The following LDB2 variants were observed in gnomAD, a reference collection of about 807,000 sequenced individuals.
LDB2 encodes LIM domain-binding protein 2.
A neutral mutation model predicts 44.3 loss-of-function variants in LDB2; 12 were observed. The observed-to-expected ratio is 0.27, with a 90% CI of 0.17 to 0.44. The LOEUF (loss-of-function observed/expected upper bound fraction) is 0.44, where lower values mean the gene tolerates loss of function less well. LDB2 is among the 20% of genes least tolerant of loss of function. The pLI, the probability that LDB2 is intolerant of heterozygous loss-of-function variation, is 1.00. For synonymous variants in LDB2, 164 were observed against 174.8 expected (o/e 0.94, Z 0.49); for missense variants, 344 against 473.5 (o/e 0.73, Z 2.54).
intron 1 of LDB2, among the ~76,000 whole-genome samples, chr4:16,830,244 T>A (rs1195213642): frequency 6.6e-6 from 1 of 152,162 alleles, no homozygotes; most frequent in African/African-American, 2.4e-5. Flanking sequence ...TGGGAGGTGA[T>A]TGGATCATGC....
At chr4:16,841,267 C>T (rs1785846232) in intron 1 of LDB2, among the ~76,000 whole-genome samples, 1 of 152,104 alleles carries the variant, frequency 6.6e-6, no homozygotes, top group Admixed American at 6.6e-5. Context: ...GGTAACATAG[C>T]CAGTATACTA....
At chr4:16,813,706 A>T (rs977652362) in intron 1 of LDB2, among the ~76,000 whole-genome samples, 4 of 152,204 alleles carry the variant, frequency 2.6e-5, no homozygotes, top group African/African-American at 4.8e-5. Flanking sequence ...GGGACCAGAG[A>T]GGATGACACA....
intron 5 of LDB2, among the ~76,000 whole-genome samples, chr4:16,514,578 C>G (rs1379490750): frequency 6.6e-6 from 1 of 152,204 alleles, no homozygotes; most frequent in Non-Finnish European, 1.5e-5. Context: ...GTACCTATTA[C>G]TGACCTAAGC....
chr4:16,715,643 A>C (rs553698714), intron 2 of LDB2, among the ~76,000 whole-genome samples: 4 of 152,204 alleles, frequency 2.6e-5, no homozygotes, highest in Non-Finnish European at 5.9e-5. Flanking sequence ...AAAACATTAC[A>C]TGACTTTCAC....
intron 5 of LDB2, among the ~76,000 whole-genome samples, chr4:16,540,133 A>G (rs1439094096): frequency 6.6e-6 from 1 of 152,100 alleles, no homozygotes; most frequent in Non-Finnish European, 1.5e-5. Flanking sequence ...ACTCACTGCC[A>G]GGAGAACAGC....
At chr4:16,717,408 C>G (rs1194990016) in intron 2 of LDB2, among the ~76,000 whole-genome samples, 2 of 151,896 alleles carry the variant, frequency 1.3e-5, no homozygotes, top group Non-Finnish European at 2.9e-5. Context: ...CCAATCATAC[C>G]CCCTCCTGCA....
chr4:16,805,052 G>T (rs1778518791), intron 1 of LDB2, among the ~76,000 whole-genome samples: 1 of 151,582 alleles, frequency 6.6e-6, no homozygotes, highest in South Asian at 2.1e-4. Flanking sequence ...GAGAGAGAGG[G>T]GAAAAGAGAG....
intron 5 of LDB2, chr4:16,581,388 C>G: frequency 1.0e-6 from 1 of 983,384 alleles, no homozygotes; most frequent in East Asian, 1.1e-4. Flanking sequence ...AAGCCCATGT[C>G]ACAGTGAGAG....
intron 1 of LDB2, among the ~76,000 whole-genome samples, chr4:16,760,782 TA>T (rs976169637): frequency 6.6e-6 from 1 of 152,124 alleles, no homozygotes; most frequent in Non-Finnish European, 1.5e-5. Flanking sequence ...GTGGAGCTTT[TA>T]AAAAACTCAG....
chr4:16,692,284 T>G (rs1750969059), intron 2 of LDB2, among the ~76,000 whole-genome samples: 1 of 152,232 alleles, frequency 6.6e-6, no homozygotes, highest in Admixed American at 6.5e-5. Context: ...CCAGAGGCTA[T>G]AAAGCAGAAA....
chr4:16,506,124 G>A lies in LDB2; in HGVS notation c.891+2411C>T. Reference sequence around the variant, plus strand: ...TTGGACCAGACAGTGGATGCCTGCAGGTAGCATCTCTAGTTAACCAGTAGA... The same window carrying A: ...TTGGACCAGACAGTGGATGCCTGCAAGTAGCATCTCTAGTTAACCAGTAGA... On this transcript the variant is annotated intron_variant, in intron 7 of 7. Transcript: ENST00000304523. 5.2e-6 allele frequency: 4 copies of A among 774,086 alleles called. No homozygotes were observed. The South Asian group carries it at 8.1e-5, about 16-fold the overall frequency. The allele number at this position is 774,086 out of a possible 1,614,324, so 48.0% of individuals were successfully genotyped here.
chr4:16,772,980 T>TA (rs1398743126), intron 1 of LDB2, among the ~76,000 whole-genome samples: 3 of 152,352 alleles, frequency 2.0e-5, no homozygotes, highest in African/African-American at 7.2e-5. Flanking sequence ...ATCTGGTAGA[T>TA]ACGGCATTGC....
intron 2 of LDB2, among the ~76,000 whole-genome samples, chr4:16,605,741 C>A (rs1340750371): frequency 6.6e-6 from 1 of 152,174 alleles, no homozygotes. Context: ...GGTGCACTAT[C>A]TCCCTATCTC....
At chr4:16,767,170 G>A (rs564743473) in intron 1 of LDB2, among the ~76,000 whole-genome samples, 2 of 152,254 alleles carry the variant, frequency 1.3e-5, no homozygotes, top group Middle Eastern at 6.8e-3. Flanking sequence ...TTTCCAAGTG[G>A]GTTCTAGTAG....
intron 5 of LDB2, among the ~76,000 whole-genome samples, chr4:16,516,815 C>T (rs1428463443): frequency 6.6e-6 from 1 of 152,184 alleles, no homozygotes; most frequent in African/African-American, 2.4e-5. Context: ...CTGTAACCCA[C>T]CCCAAAGGAG....
intron 1 of LDB2, among the ~76,000 whole-genome samples, chr4:16,799,750 T>A (rs1368803680): frequency 6.6e-6 from 1 of 152,230 alleles, no homozygotes; most frequent in African/African-American, 2.4e-5. Flanking sequence ...ACTTGGCATA[T>A]AGTTAGGGTT....
chr4:16,752,300 T>A, intron 2 of LDB2: 1 of 339,412 alleles, frequency 2.9e-6, no homozygotes, highest in Non-Finnish European at 5.7e-6. Flanking sequence ...ACTTGATAAA[T>A]GTTTAGTAGT....
At chr4:16,642,268 G>A (rs1359673951) in intron 2 of LDB2, among the ~76,000 whole-genome samples, 1 of 152,100 alleles carries the variant, frequency 6.6e-6, no homozygotes, top group Admixed American at 6.5e-5. Flanking sequence ...GAACCTTCTA[G>A]CATGATTAAT....
chr4:16,557,416 C>A lies in LDB2; in HGVS notation c.615+28506G>T, dbSNP rs553200589. Among the ~76,000 whole-genome samples the A allele has an allele frequency of 9.7e-3, 1,474 of 152,348 alleles. 14 individuals are homozygous for A. Among genetic ancestry groups the A allele is most frequent in the Middle Eastern group, 0.017 (5 of 294 alleles). ...CGCACCAGGAGATTATATCCCGCACCTGGCTCGGAGGGTCCTACGCCCACG... is the reference window on the plus strand; with the variant it reads ...CGCACCAGGAGATTATATCCCGCACATGGCTCGGAGGGTCCTACGCCCACG... On this transcript the variant is annotated intron_variant, in intron 5 of 7. Transcript: ENST00000304523.
Sources: gnomAD v4.1 joint callset for allele counts (sites outside exome capture counted in the v4.1 genomes callset) on GRCh38, gnomAD v4.1.1 for gene constraint, MANE v1.5 for transcripts, NCBI Gene and HGNC (gene_info 2026-07-23, HGNC 2026-07-21) for gene names.